HCN1: variants seen among roughly 807,000 people sequenced by gnomAD.
The protein encoded by HCN1 is hyperpolarization activated cyclic nucleotide gated potassium channel 1, also known as potassium/sodium hyperpolarization-activated cyclic nucleotide-gated channel 1.
HCN1 carries 13 observed loss-of-function variants against 78.9 expected under a neutral mutation model. That is an observed-to-expected ratio of 0.16 (90% CI 0.11 to 0.26). The LOEUF (loss-of-function observed/expected upper bound fraction) is 0.26. HCN1 is among the 10% of genes least tolerant of loss of function. The pLI, the probability that HCN1 is intolerant of heterozygous loss-of-function variation, is 1.00. For synonymous variants in HCN1, 552 were observed against 455.5 expected, an observed-to-expected ratio of 1.21 and a Z score of -2.70; for missense variants, 810 against 1,154.3, an observed-to-expected ratio of 0.70 and a Z score of 4.32.
chr5:45,352,056 G>A (rs1033306185), intron 5 of HCN1, among the ~76,000 whole-genome samples: 21 of 152,132 alleles, frequency 1.4e-4, no homozygotes, highest in African/African-American at 4.8e-4. Flanking sequence ...AAATCATGCT[G>A]CCATAAAGAC....
intron 3 of HCN1, among the ~76,000 whole-genome samples, chr5:45,403,294 C>G (rs552311187): frequency 5.3e-5 from 8 of 152,112 alleles, no homozygotes; most frequent in Non-Finnish European, 1.0e-4. Context: ...CTCCATCATA[C>G]CTACATATCA....
chr5:45,690,577 T>C (rs1739889998), intron 1 of HCN1, among the ~76,000 whole-genome samples: 1 of 151,464 alleles, frequency 6.6e-6, no homozygotes, highest in Non-Finnish European at 1.5e-5. Context: ...GGAATCCTGA[T>C]TTTTTTTTCC....
At chr5:45,592,324 T>C (rs947003271) in intron 2 of HCN1, among the ~76,000 whole-genome samples, 1 of 127,478 alleles carries the variant, frequency 7.8e-6, no homozygotes, top group Non-Finnish European at 1.9e-5. Context: ...TAAGTGTATG[T>C]GTAAATGATT....
At chr5:45,576,850 C>T (rs921873140) in intron 2 of HCN1, among the ~76,000 whole-genome samples, 2 of 151,962 alleles carry the variant, frequency 1.3e-5, no homozygotes, top group African/African-American at 4.8e-5. Flanking sequence ...ACCAATTCAT[C>T]CCAATTTCTC....
chr5:45,450,067 G>A (rs367829725), intron 3 of HCN1, among the ~76,000 whole-genome samples: 11 of 152,152 alleles, frequency 7.2e-5, no homozygotes, highest in African/African-American at 2.7e-4. Flanking sequence ...TCCTGACCTC[G>A]TGATACGCCT....
chr5:45,430,317 T>A (rs1007852644), intron 3 of HCN1, among the ~76,000 whole-genome samples: 3 of 152,140 alleles, frequency 2.0e-5, no homozygotes, highest in African/African-American at 7.2e-5. Context: ...CAGGGGTACA[T>A]GTGTAGGTTT....
chr5:45,584,024 T>C (rs1249980599), intron 2 of HCN1, among the ~76,000 whole-genome samples: 1 of 152,072 alleles, frequency 6.6e-6, no homozygotes, highest in Non-Finnish European at 1.5e-5. Flanking sequence ...GGGTGGAGAG[T>C]TCTGTAGATG....
rs1270137579 is a variant in HCN1 at position 45,259,311 on chromosome 5, G to A, written c.*2610C>T. The stretch of plus-strand genomic sequence containing the variant: ...TATATATTTATATATGTATGGCTTT[G>A]AGCAAAGACAAAAGAAATACTCTAA... On this transcript the variant is annotated 3_prime_UTR_variant, in exon 8 of 8. Coordinates refer to ENST00000303230, the MANE Select transcript of HCN1 (RefSeq NM_021072.4). 2 of 151,964 alleles carry A rather than the reference G, an allele frequency of 1.3e-5. No homozygotes were observed. Among genetic ancestry groups the A allele is most frequent in the Non-Finnish European group, 2.9e-5 (2 of 67,834 alleles). The allele number at this position is 151,964 out of a possible 1,614,324, so 9.4% of individuals were successfully genotyped here.
intron 2 of HCN1, among the ~76,000 whole-genome samples, chr5:45,601,770 C>T (rs1744630235): frequency 6.6e-6 from 1 of 152,088 alleles, no homozygotes; most frequent in Non-Finnish European, 1.5e-5. Context: ...TCTATATTTT[C>T]CAAATATTAA....
At chr5:45,575,764 CA>C (rs1266339964) in intron 2 of HCN1, 1 of 152,070 alleles carries the variant, frequency 6.6e-6, no homozygotes, top group Non-Finnish European at 1.5e-5. Context: ...CCAAGTCACT[CA>C]CATAAGAGCT....
chr5:45,631,888 G>T (rs1257278460), intron 2 of HCN1, among the ~76,000 whole-genome samples: 1 of 152,064 alleles, frequency 6.6e-6, no homozygotes, highest in Non-Finnish European at 1.5e-5. Flanking sequence ...TGAAGCATTT[G>T]CTTTTCATGT....
intron 4 of HCN1, among the ~76,000 whole-genome samples, chr5:45,391,366 G>A (rs1217108676): frequency 1.3e-5 from 2 of 152,126 alleles, no homozygotes; most frequent in African/African-American, 4.8e-5. Context: ...GCTACTGAAT[G>A]CTACAAAATC....
At chr5:45,443,375 G>A (rs1428087733) in intron 3 of HCN1, among the ~76,000 whole-genome samples, 1 of 151,950 alleles carries the variant, frequency 6.6e-6, no homozygotes, top group Non-Finnish European at 1.5e-5. Flanking sequence ...TTATCTAAAG[G>A]TTTTGATTAG....
chr5:45,380,038 A>C (rs1380283887), intron 4 of HCN1, among the ~76,000 whole-genome samples: 1 of 152,106 alleles, frequency 6.6e-6, no homozygotes, highest in Non-Finnish European at 1.5e-5. Flanking sequence ...GTTAGGATCC[A>C]TTTGTCTTAG....
chr5:45,566,962 A>G (rs1326426066), intron 2 of HCN1, among the ~76,000 whole-genome samples: 1 of 152,196 alleles, frequency 6.6e-6, no homozygotes, highest in Non-Finnish European at 1.5e-5. Context: ...GATACAGGTT[A>G]TAGGTTAAGA....
At chr5:45,372,590 CATATAAAAATATATAAAACATTTT>C (rs1411918672) in intron 4 of HCN1, among the ~76,000 whole-genome samples, 2,101 of 110,756 alleles carry the variant, frequency 0.019, 111 homozygotes, top group Middle Eastern at 0.037. Context: ...AAAACATTTA[CATATAAAAATATATAAAACATTTT>C]ATATAAAAAT....
intron 5 of HCN1, among the ~76,000 whole-genome samples, chr5:45,342,564 A>C (rs1186277163): frequency 6.6e-6 from 1 of 152,136 alleles, no homozygotes; most frequent in Non-Finnish European, 1.5e-5. Context: ...TTAACAAAAT[A>C]TAAAAAATTG....
At chr5:45,313,248 G>T (rs1745897615) in intron 5 of HCN1, among the ~76,000 whole-genome samples, 1 of 152,102 alleles carries the variant, frequency 6.6e-6, no homozygotes, top group South Asian at 2.1e-4. Flanking sequence ...TGATACCCAG[G>T]CAAACAGGGT....
At chr5:45,496,797 G>T (rs187774233) in intron 2 of HCN1, among the ~76,000 whole-genome samples, 1 of 152,204 alleles carries the variant, frequency 6.6e-6, no homozygotes, top group African/African-American at 2.4e-5. Flanking sequence ...CGTGATGTTA[G>T]GGTGTAAATT....
Sources: gnomAD v4.1 joint callset for allele counts (sites outside exome capture counted in the v4.1 genomes callset) on GRCh38, gnomAD v4.1.1 for gene constraint, MANE v1.5 for transcripts, NCBI Gene and HGNC (gene_info 2026-07-23, HGNC 2026-07-21) for gene names.